CAV1: variants seen among roughly 807,000 people sequenced by gnomAD.
CAV1 encodes the protein caveolin-1.
Under a neutral mutation model 16.5 loss-of-function variants are expected in CAV1, and 10 were observed. That is an observed-to-expected ratio of 0.61 (90% confidence interval 0.37 to 1.03). CAV1 has a LOEUF of 1.03. Among genes scored for constraint, CAV1 ranks in the 50% least tolerant of loss-of-function variants. The probability of loss-of-function intolerance (pLI) is 0.01; values close to 1 mark genes in which losing one functional copy is unlikely to be tolerated. For synonymous variants in CAV1, 76 were observed against 85.1 expected, an observed-to-expected ratio of 0.89 and a Z score of 0.59; for missense variants, 212 against 232.8, an observed-to-expected ratio of 0.91 and a Z score of 0.58.
chr7:116,541,808 T>C (rs942350481), intron 2 of CAV1, among the ~76,000 whole-genome samples: 3 of 149,458 alleles, frequency 2.0e-5, no homozygotes, highest in African/African-American at 7.4e-5. Flanking sequence ...TTCCAAGTAA[T>C]AAGAGTGGCT....
Position 116,547,881 on chromosome 7 carries a change from C to T in CAV1, c.196-11065C>T, listed in dbSNP as rs1220024364. On this transcript the variant is annotated intron_variant, in intron 2 of 2. Coordinates refer to ENST00000341049, the MANE Select transcript of CAV1 (RefSeq NM_001753.5). ...CATACCGCATCTTACAGATAAGAAA[C>T]TTAGGCACAAAGAGGTTTAGTAGTT... Among the ~76,000 whole-genome samples the T allele has an allele frequency of 2.0e-5, 3 of 152,176 alleles. No homozygotes were observed. In the East Asian group the frequency reaches 5.8e-4, roughly 29 times the overall value.
intron 2 of CAV1, among the ~76,000 whole-genome samples, chr7:116,533,547 T>G (rs7791631): frequency 0.82 from 125,343 of 152,078 alleles, 51,944 homozygotes; most frequent in East Asian, 0.95. Context: ...GCTCACTGTA[T>G]CCTCAACCTC....
intron 2 of CAV1, among the ~76,000 whole-genome samples, chr7:116,539,899 G>T (rs1793902069): frequency 6.6e-6 from 1 of 152,108 alleles, no homozygotes; most frequent in African/African-American, 2.4e-5. Flanking sequence ...GGCTACAGGA[G>T]AAGTCCCCTG....
chr7:116,535,488 A>G (rs1019859188), intron 2 of CAV1, among the ~76,000 whole-genome samples: 4 of 152,232 alleles, frequency 2.6e-5, no homozygotes, highest in African/African-American at 4.8e-5. Flanking sequence ...TCAGCTACTC[A>G]GTAAAAGATG....
chr7:116,532,189 G>A (rs1793700140), intron 2 of CAV1, among the ~76,000 whole-genome samples: 1 of 152,172 alleles, frequency 6.6e-6, no homozygotes, highest in African/African-American at 2.4e-5. Flanking sequence ...GGCAGGGTTG[G>A]CTACACTTTT....
intron 1 of CAV1, 186 bp downstream of exon 1, chr7:116,525,278 T>G (rs1226462414): frequency 6.4e-7 from 1 of 1,573,020 alleles, no homozygotes; most frequent in Non-Finnish European, 8.6e-7. Flanking sequence ...CAGGAATGTT[T>G]TATGTTTTCC....
At position 116,539,446 on chromosome 7, in the gene CAV1, A is replaced by C. The variant is rs139323279; in HGVS notation, c.195+12757A>C. Among the ~76,000 whole-genome samples the C allele has an allele frequency of 3.9e-5, 6 of 152,290 alleles. No homozygotes were observed. In the East Asian group the frequency reaches 9.7e-4, roughly 25 times the overall value. On this transcript the variant is annotated intron_variant, in intron 2 of 2. Coordinates refer to ENST00000341049, the MANE Select transcript of CAV1 (RefSeq NM_001753.5). ...TCTGAAATTCTTTTTAAAGTAAGTT[A>C]ATGTGTGCTTTGAATGAAAAGACAC...
chr7:116,543,469 T>G (rs1483540134), intron 2 of CAV1, among the ~76,000 whole-genome samples: 1 of 152,220 alleles, frequency 6.6e-6, no homozygotes, highest in East Asian at 1.9e-4. Flanking sequence ...GATCAAGAGT[T>G]GGAGTTCATT....
chr7:116,560,936 G>A lies in CAV1; in HGVS notation c.*1649G>A, dbSNP rs1206930278. On this transcript the variant is annotated 3_prime_UTR_variant, in exon 3 of 3. Transcript: ENST00000341049. ...GTGCTATACTGCATACTTTTTAAAT[G>A]TAAAGATATTTTTATCTTTATATGA... is the stretch of plus-strand genomic sequence containing the variant. The A allele has an allele frequency of 6.6e-6, 1 of 152,568 alleles. No homozygotes were observed. Among genetic ancestry groups the A allele is most frequent in the Admixed American group, 6.6e-5 (1 of 15,266 alleles). The allele number at this position is 152,568 out of a possible 1,614,324, so 9.5% of individuals were successfully genotyped here.
chr7:116,534,754 A>G (rs143082257), intron 2 of CAV1, among the ~76,000 whole-genome samples: 2 of 152,030 alleles, frequency 1.3e-5, no homozygotes, highest in Admixed American at 6.6e-5. Flanking sequence ...TGTATTTTTC[A>G]GAGTTTCAAA....
At chr7:116,557,604 G>A (rs1794315848) in intron 2 of CAV1, among the ~76,000 whole-genome samples, 1 of 152,144 alleles carries the variant, frequency 6.6e-6, no homozygotes, top group South Asian at 2.1e-4. Context: ...ACATGTACCT[G>A]GGAGAGCTAT....
At chr7:116,558,683 G>T (rs1794339953) in intron 2 of CAV1, among the ~76,000 whole-genome samples, 1 of 151,910 alleles carries the variant, frequency 6.6e-6, no homozygotes. Context: ...AGCCTGGGAA[G>T]TCGAAGCTGC....
chr7:116,549,809 T>C (rs1033483652), intron 2 of CAV1, among the ~76,000 whole-genome samples: 6 of 152,206 alleles, frequency 3.9e-5, no homozygotes, highest in African/African-American at 7.2e-5. Context: ...ATGTGCATAG[T>C]ACCACTAGGT....
intron 2 of CAV1, among the ~76,000 whole-genome samples, chr7:116,528,330 G>GA (rs1322814159): frequency 7.8e-4 from 119 of 151,850 alleles, no homozygotes; most frequent in Middle Eastern, 3.4e-3. Flanking sequence ...AACACAGATG[G>GA]AAAAAAAACA....
chr7:116,549,807 A>C (rs1431348017), intron 2 of CAV1, among the ~76,000 whole-genome samples: 1 of 152,190 alleles, frequency 6.6e-6, no homozygotes. Context: ...ACATGTGCAT[A>C]GTACCACTAG....
intron 2 of CAV1, among the ~76,000 whole-genome samples, chr7:116,551,683 A>G (rs746733884): frequency 6.6e-6 from 1 of 152,080 alleles, no homozygotes; most frequent in Non-Finnish European, 1.5e-5. Flanking sequence ...TAGAACAACA[A>G]ACATTGATCC....
intron 2 of CAV1, among the ~76,000 whole-genome samples, chr7:116,558,151 G>A (rs1485591619): frequency 2.0e-5 from 3 of 152,132 alleles, no homozygotes; most frequent in Non-Finnish European, 4.4e-5. Context: ...AAGTAATTAT[G>A]CTAATTGGGC....
intron 1 of CAV1, 33 bp downstream of exon 1, chr7:116,525,125 G>C: frequency 6.2e-7 from 1 of 1,614,164 alleles, no homozygotes; most frequent in Non-Finnish European, 8.5e-7. Context: ...CGGCTCGGGC[G>C]TGCGGGGAGT....
chr7:116,559,928 A>T lies in CAV1; in HGVS notation c.*641A>T. ...CTGTGCCTGAATATTTGTTATGTAG[A>T]TAACAAGACCTCAGTGCCTTCCTGT... On this transcript the variant is annotated 3_prime_UTR_variant, in exon 3 of 3. Transcript: ENST00000341049. 1 of 398,832 alleles carries T rather than the reference A, an allele frequency of 2.5e-6. No homozygotes were observed. The highest frequency in any genetic ancestry group is 4.4e-6 in the Non-Finnish European group (1 of 226,148). The allele number at this position is 398,832 out of a possible 1,614,324, so 24.7% of individuals were successfully genotyped here.
Sources: allele counts gnomAD v4.1 joint callset (sites outside exome capture counted in the v4.1 genomes callset), GRCh38; gene constraint gnomAD v4.1.1; transcripts MANE v1.5; gene names NCBI Gene and HGNC (gene_info 2026-07-23, HGNC 2026-07-21).